The following CNTN5 variants were observed in gnomAD, a reference collection of about 807,000 sequenced individuals.
The protein encoded by CNTN5 is contactin-5.
A neutral mutation model predicts 129.1 loss-of-function variants in CNTN5; 77 were observed. The observed-to-expected ratio is 0.60, with a 90% CI of 0.50 to 0.72. The LOEUF is 0.72. CNTN5 is among the 30% of genes least tolerant of loss of function. The probability of loss-of-function intolerance (pLI) is 0.00; values close to 1 mark genes in which losing one functional copy is unlikely to be tolerated. For missense variants in CNTN5, 1,478 were observed against 1,328.8 expected (o/e 1.11, Z -1.75); for synonymous variants, 509 against 465.6 (o/e 1.09, Z -1.20).
intron 2 of CNTN5, among the ~76,000 whole-genome samples, chr11:99,497,849 A>AAAT (rs1946284687): frequency 6.6e-6 from 1 of 152,166 alleles, no homozygotes; most frequent in Non-Finnish European, 1.5e-5. Context: ...ACTGCTTGTT[A>AAAT]AATACACTAC....
chr11:99,865,056 C>CTT (rs1565618770), intron 6 of CNTN5, among the ~76,000 whole-genome samples: 1 of 152,156 alleles, frequency 6.6e-6, no homozygotes, highest in African/African-American at 2.4e-5. Context: ...ATTAACAAAA[C>CTT]ACCTATTTTG....
chr11:99,827,766 T>C (rs1312820472), intron 4 of CNTN5, among the ~76,000 whole-genome samples: 1 of 151,970 alleles, frequency 6.6e-6, no homozygotes, highest in African/African-American at 2.4e-5. Context: ...ATACAATTAC[T>C]TTACCTCTCT....
chr11:99,850,927 G>A (rs933591914), intron 6 of CNTN5, among the ~76,000 whole-genome samples: 5 of 152,080 alleles, frequency 3.3e-5, no homozygotes, highest in East Asian at 3.8e-4. Context: ...CAATTCAATA[G>A]CAAGTTTAAT....
At chr11:99,900,719 G>A (rs1419031175) in intron 6 of CNTN5, among the ~76,000 whole-genome samples, 2 of 151,970 alleles carry the variant, frequency 1.3e-5, no homozygotes, top group Admixed American at 6.6e-5. Context: ...TATCCAATTT[G>A]CCACTATATG....
At position 99,341,050 on chromosome 11, in the gene CNTN5, G is replaced by A. The variant is rs1866488766; in HGVS notation, c.-71+15566G>A. ...CTTGATATCTTATAAAGCATTTGCTGGCAAATTTTATTATTATGTTTGCAT... is the reference window on the plus strand; with the variant it reads ...CTTGATATCTTATAAAGCATTTGCTAGCAAATTTTATTATTATGTTTGCAT... On this transcript the variant is annotated intron_variant, in intron 2 of 24. Coordinates refer to ENST00000524871, the MANE Select transcript of CNTN5 (RefSeq NM_014361.4). Among the ~76,000 whole-genome samples, 2 of 152,016 alleles carry A rather than the reference G, an allele frequency of 1.3e-5. 1 individual carries two copies. The highest frequency in any genetic ancestry group is 4.1e-4 in the South Asian group (2 of 4,826).
intron 3 of CNTN5, among the ~76,000 whole-genome samples, chr11:99,582,125 CT>C (rs1265747921): frequency 3.9e-5 from 6 of 152,074 alleles, no homozygotes; most frequent in Non-Finnish European, 8.8e-5. Flanking sequence ...GTTGAAAATT[CT>C]TTTCTTTAAG....
chr11:99,833,580 A>G (rs1947212916), intron 4 of CNTN5, among the ~76,000 whole-genome samples: 2 of 152,194 alleles, frequency 1.3e-5, no homozygotes, highest in Non-Finnish European at 1.5e-5. Context: ...TCTGATGTTC[A>G]GTATATTAGT....
chr11:100,324,785 T>A (rs932408709), intron 21 of CNTN5, among the ~76,000 whole-genome samples: 3 of 152,226 alleles, frequency 2.0e-5, no homozygotes, highest in African/African-American at 7.2e-5. Context: ...ATTATTATGT[T>A]TCTTCTGCAT....
intron 3 of CNTN5, among the ~76,000 whole-genome samples, chr11:99,598,273 TC>T (rs2135691714): frequency 1.3e-3 from 7 of 5,448 alleles, no homozygotes; most frequent in Non-Finnish European, 2.6e-3. Flanking sequence ...TCTTTTCTTT[TC>T]TTTTCTTTTC....
intron 3 of CNTN5, among the ~76,000 whole-genome samples, chr11:99,767,639 A>G (rs1944799763): frequency 6.6e-6 from 1 of 150,780 alleles, no homozygotes; most frequent in Admixed American, 6.6e-5. Context: ...AAAAAAAAAA[A>G]ACCCATCAGA....
intron 3 of CNTN5, among the ~76,000 whole-genome samples, chr11:99,663,832 T>C (rs962772765): frequency 1.3e-5 from 2 of 152,208 alleles, no homozygotes; most frequent in African/African-American, 4.8e-5. Context: ...TCTTTATACT[T>C]ACCCAGTCTC....
chr11:99,537,556 T>C (rs1210455714), intron 2 of CNTN5, among the ~76,000 whole-genome samples: 1 of 152,124 alleles, frequency 6.6e-6, no homozygotes, highest in African/African-American at 2.4e-5. Flanking sequence ...TCTTCGCTTC[T>C]CTTATTTTTA....
chr11:99,445,390 A>G (rs952467545), intron 2 of CNTN5, among the ~76,000 whole-genome samples: 1 of 152,144 alleles, frequency 6.6e-6, no homozygotes, highest in African/African-American at 2.4e-5. Context: ...CTGAATACAC[A>G]ATACTTGTTT....
intron 1 of CNTN5, among the ~76,000 whole-genome samples, chr11:99,062,166 C>A (rs536665054): frequency 5.9e-5 from 9 of 152,150 alleles, no homozygotes; most frequent in African/African-American, 1.9e-4. Flanking sequence ...AAAAATGAGA[C>A]CATGAACCAG....
chr11:99,223,932 T>C (rs1307976024), intron 1 of CNTN5, among the ~76,000 whole-genome samples: 1 of 152,174 alleles, frequency 6.6e-6, no homozygotes, highest in Admixed American at 6.6e-5. Flanking sequence ...TTATAGGACA[T>C]TGTTGTCCAA....
intron 3 of CNTN5, among the ~76,000 whole-genome samples, chr11:99,640,090 G>A (rs1241265594): frequency 6.6e-6 from 1 of 152,084 alleles, no homozygotes; most frequent in East Asian, 1.9e-4. Context: ...ATTACTATCA[G>A]CATTTTGGAC....
chr11:99,759,420 A>G (rs908020719), intron 3 of CNTN5, among the ~76,000 whole-genome samples: 1 of 152,026 alleles, frequency 6.6e-6, no homozygotes, highest in Non-Finnish European at 1.5e-5. Flanking sequence ...GCTGAAACAA[A>G]TCTATATTAT....
At chr11:100,287,032 G>T (rs1950812386) in intron 18 of CNTN5, among the ~76,000 whole-genome samples, 1 of 151,952 alleles carries the variant, frequency 6.6e-6, no homozygotes, top group African/African-American at 2.4e-5. Flanking sequence ...TGAATGAAAT[G>T]AAGCGAGAAG....
chr11:99,340,002 G>A (rs767964653), intron 2 of CNTN5, among the ~76,000 whole-genome samples: 1 of 152,096 alleles, frequency 6.6e-6, no homozygotes, highest in Non-Finnish European at 1.5e-5. Context: ...GGAGAGTTTT[G>A]AATTGAGCAA....
Sources: allele counts gnomAD v4.1 joint callset (sites outside exome capture counted in the v4.1 genomes callset), GRCh38; gene constraint gnomAD v4.1.1; transcripts MANE v1.5; gene names NCBI Gene and HGNC (gene_info 2026-07-23, HGNC 2026-07-21).